SLC1A4: variants seen among roughly 807,000 people sequenced by gnomAD.
SLC1A4 encodes the protein neutral amino acid transporter A.
SLC1A4 carries 19 observed loss-of-function variants against 37.7 expected under a neutral mutation model. That is an observed-to-expected ratio of 0.50 (90% CI 0.35 to 0.74). The LOEUF (loss-of-function observed/expected upper bound fraction) is 0.74. Ranked by LOEUF, SLC1A4 falls within the 30% of genes least tolerant of loss-of-function variation. The probability of loss-of-function intolerance (pLI) is 0.01; values close to 1 mark genes in which losing one functional copy is unlikely to be tolerated. For missense variants in SLC1A4, 570 were observed against 712.9 expected, an observed-to-expected ratio of 0.80 and a Z score of 2.28; for synonymous variants, 299 against 309.8, an observed-to-expected ratio of 0.97 and a Z score of 0.37.
intron 1 of SLC1A4, among the ~76,000 whole-genome samples, chr2:64,992,984 T>TA (rs1673117177): frequency 1.3e-5 from 2 of 152,164 alleles, no homozygotes; most frequent in African/African-American, 4.8e-5. Context: ...ACATCAAAAT[T>TA]AAAAAATTGC....
In SLC1A4 at chr2:65,018,426, C is replaced by G. The variant is rs187819870; in HGVS notation, c.1230-119C>G. 3.4e-6 allele frequency: 5 copies of G among 1,450,366 alleles called. No homozygotes were observed. The African/African-American group carries it at 5.6e-5, about 16-fold the overall frequency. 89.8% of individuals were successfully genotyped at this position (1,450,366 alleles called of 1,614,324 possible). ...TGTTGACTCTCAAGGGCGTAGCCAGCAGAGCCTATGGTGGGGCGGTTTTTA... is the reference window on the plus strand; with the variant it reads ...TGTTGACTCTCAAGGGCGTAGCCAGGAGAGCCTATGGTGGGGCGGTTTTTA... On this transcript the variant is annotated intron_variant, in intron 6 of 7. Coordinates refer to ENST00000234256, the MANE Select transcript of SLC1A4 (RefSeq NM_003038.5). This position sits in a 1 kb window ranked among gnomAD's most constrained non-coding sequence, Gnocchi z 4.3.
chr2:64,993,776 T>C (rs2160387), intron 1 of SLC1A4, among the ~76,000 whole-genome samples: 77,848 of 151,998 alleles, frequency 0.51, 21,031 homozygotes, highest in East Asian at 0.78. Context: ...TCATCTTTAT[T>C]ATGGGAATCA....
chr2:65,016,344 C>A, intron 4 of SLC1A4, 96 bp from the exon 5 acceptor site: 1 of 950,872 alleles, frequency 1.1e-6, no homozygotes, highest in Non-Finnish European at 1.7e-6. Context: ...TGAAGACGGC[C>A]TGGCTGAAAG....
intron 4 of SLC1A4, among the ~76,000 whole-genome samples, chr2:65,013,941 A>G (rs1028072801): frequency 1.3e-5 from 2 of 152,238 alleles, no homozygotes; most frequent in Admixed American, 6.5e-5. Flanking sequence ...TTTGTAAATG[A>G]AAGAGCATGA....
intron 4 of SLC1A4, among the ~76,000 whole-genome samples, chr2:65,012,112 C>G (rs1305329295): frequency 6.6e-6 from 1 of 151,078 alleles, no homozygotes; most frequent in African/African-American, 2.4e-5. Context: ...TTTCTTGAGA[C>G]AGGGTCTTGC....
At position 64,989,988 on chromosome 2, in the gene SLC1A4, C is replaced by T. The variant is rs775203544; in HGVS notation, c.345C>T (p.Gly115=). The T allele has an allele frequency of 3.8e-6, 6 of 1,588,982 alleles. No individual in the cohort carries two copies. The African/African-American group carries it at 8.1e-5, about 21-fold the overall frequency. The change falls in exon 1 of 8, where the codon GGC becomes GGT. Residue 115 remains glycine, a synonymous_variant. Transcript: ENST00000234256. ...LDASCLGRLG[G]IAVAYFGLTT... ...CCAGCTGCCTCGGGCGTCTGGGCGG[C>T]ATCGCTGTCGCCTACTTTGGCCTCA... is the stretch of plus-strand genomic sequence containing the variant.
In SLC1A4 at chr2:65,018,351, G is replaced by A. The variant is rs2103679810; in HGVS notation, c.1229+86G>A. 6.9e-7 allele frequency: 1 copy of A among 1,458,866 alleles called. No homozygotes were observed. Among genetic ancestry groups the A allele is most frequent in the African/African-American group, 1.4e-5 (1 of 71,436 alleles). The allele number at this position is 1,458,866 out of a possible 1,614,324, so 90.4% of individuals were successfully genotyped here. On this transcript the variant is annotated intron_variant, in intron 6 of 7. Coordinates refer to ENST00000234256, the MANE Select transcript of SLC1A4 (RefSeq NM_003038.5). This position sits in a 1 kb window ranked among gnomAD's most constrained non-coding sequence, Gnocchi z 4.3. ...AAAACCAATCTCACCACAACTTGGT[G>A]TCTCGCTCATAAAATGAGGACAGTG... is the stretch of plus-strand genomic sequence containing the variant.
At position 65,001,432 on chromosome 2, in the gene SLC1A4, C is replaced by T. The variant is rs1673454504; in HGVS notation, c.528-16C>T. ...GTTTTAAAAGAATACTGACAGAATGCTTTCTTTTCCAACAGAAACCTGTTT... is the reference window on the plus strand; with the variant it reads ...GTTTTAAAAGAATACTGACAGAATGTTTTCTTTTCCAACAGAAACCTGTTT... On this transcript the variant is annotated splice_polypyrimidine_tract_variant and intron_variant, in intron 1 of 7. Coordinates refer to ENST00000234256, the MANE Select transcript of SLC1A4 (RefSeq NM_003038.5). 6.2e-7 allele frequency: 1 copy of T among 1,612,876 alleles called. No homozygotes were observed. The highest frequency in any genetic ancestry group is 2.2e-5 in the East Asian group (1 of 44,856).
Position 65,022,453 on chromosome 2 carries a change from C to T in SLC1A4, c.*1307C>T, listed in dbSNP as rs1674465152. 1 of 152,128 alleles carries T rather than the reference C, an allele frequency of 6.6e-6. No homozygotes were observed. Among genetic ancestry groups the T allele is most frequent in the South Asian group, 2.1e-4 (1 of 4,828 alleles). 9.4% of individuals were successfully genotyped at this position (152,128 alleles called of 1,614,324 possible). ...GGGGCTAATGTCACCTGCCTCTTAC[C>T]TACCTCAGAGGGATTTGGTGAAGCA... is the stretch of plus-strand genomic sequence containing the variant. On this transcript the variant is annotated 3_prime_UTR_variant, in exon 8 of 8. Transcript: ENST00000234256.
chr2:64,998,878 A>G (rs1673364921), intron 1 of SLC1A4, among the ~76,000 whole-genome samples: 1 of 152,200 alleles, frequency 6.6e-6, no homozygotes, highest in Non-Finnish European at 1.5e-5. Flanking sequence ...TCCCATGAGG[A>G]AAGTGGAGGT....
At chr2:65,019,750 C>T (rs544965893) in intron 7 of SLC1A4, among the ~76,000 whole-genome samples, 1 of 152,200 alleles carries the variant, frequency 6.6e-6, no homozygotes, top group Non-Finnish European at 1.5e-5. Context: ...AGGACCAGAG[C>T]TGACAGAGGC....
At chr2:65,016,119 G>A (rs192533387) in intron 4 of SLC1A4, among the ~76,000 whole-genome samples, 3 of 152,288 alleles carry the variant, frequency 2.0e-5, no homozygotes, top group Admixed American at 6.5e-5. Context: ...CTTTGATCTC[G>A]ATTTCCTTGC....
At position 64,989,848 on chromosome 2, in the gene SLC1A4, C is replaced by A; in HGVS notation, c.205C>A (p.Arg69Ser). The change falls in exon 1 of 8, where the codon CGC becomes AGC. Residue 69 changes from arginine (R) to serine (S), a missense_variant. Arg to Ser is a moderately radical substitution (Grantham distance 110). Transcript: ENST00000234256. ...GGCGTTGCGCGGGCTCAGCCTGAGC[C>A]GCACGCAGGTCACCTACCTGGCCTT... is the stretch of plus-strand genomic sequence containing the variant. Reference protein sequence around the residue: ...GAALRGLSLSRTQVTYLAFPG... With the variant: ...GAALRGLSLSSTQVTYLAFPG... 6.5e-7 allele frequency: 1 copy of A among 1,538,722 alleles called. No homozygotes were observed. The highest frequency in any genetic ancestry group is 1.2e-5 in the South Asian group (1 of 84,010).
At chr2:64,994,590 C>G (rs1228001966) in intron 1 of SLC1A4, among the ~76,000 whole-genome samples, 2 of 152,170 alleles carry the variant, frequency 1.3e-5, no homozygotes, top group Admixed American at 6.5e-5. Flanking sequence ...ATGCTCTGAG[C>G]CTTTCCCTTC....
Position 65,018,590 on chromosome 2 carries a change from TG to T in SLC1A4, c.1277del (p.Gly426GlufsTer22). 6.2e-7 allele frequency: 1 copy of T among 1,614,244 alleles called. No homozygotes were observed. Among genetic ancestry groups the T allele is most frequent in the Admixed American group, 1.7e-5 (1 of 60,024 alleles). The stretch of plus-strand genomic sequence containing the variant: ...GTGTTGGAGCAGCAGGCGTGCCAGC[TG>T]GAGGGGTCCTCACCATTGCCATTAT... ...SSVGAAGVPA[G>X]GVLTIAIILE... is the part of the protein sequence containing the mutation. On this transcript the variant is annotated frameshift_variant, in exon 7 of 8. Coordinates refer to ENST00000234256, the MANE Select transcript of SLC1A4 (RefSeq NM_003038.5). LOFTEE classifies it high-confidence loss of function. The surrounding 1 kb of genome is among the most constrained non-coding windows in gnomAD (Gnocchi z 4.3).
intron 5 of SLC1A4, among the ~76,000 whole-genome samples, chr2:65,017,728 A>T (rs1674211772): frequency 6.6e-6 from 1 of 152,042 alleles, no homozygotes; most frequent in Non-Finnish European, 1.5e-5. Flanking sequence ...GGGAACACTC[A>T]AGAGAGGAGA....
At chr2:64,991,871 G>A (rs1406044498) in intron 1 of SLC1A4, among the ~76,000 whole-genome samples, 1 of 152,140 alleles carries the variant, frequency 6.6e-6, no homozygotes, top group Admixed American at 6.5e-5. Context: ...AAAGTGCTGG[G>A]ATTACAGGTG....
chr2:65,016,386 T>C (rs1674133416), intron 4 of SLC1A4, 54 bp from the exon 5 acceptor site: 1 of 1,392,456 alleles, frequency 7.2e-7, no homozygotes, highest in African/African-American at 1.4e-5. Flanking sequence ...AGGACCTGCA[T>C]CTCTCACCCC....
At chr2:64,997,680 TGGA>T (rs770557782) in intron 1 of SLC1A4, among the ~76,000 whole-genome samples, 1 of 152,380 alleles carries the variant, frequency 6.6e-6, no homozygotes, top group Non-Finnish European at 1.5e-5. Flanking sequence ...TTCCGTTGTA[TGGA>T]GTTTTCATAA....
Sources: allele counts gnomAD v4.1 joint callset (sites outside exome capture counted in the v4.1 genomes callset), GRCh38; gene constraint gnomAD v4.1.1; non-coding constraint Gnocchi (gnomAD v3.1); transcripts MANE v1.5; gene names NCBI Gene and HGNC (gene_info 2026-07-23, HGNC 2026-07-21).